The following PDE4D variants were observed in gnomAD, a reference collection of about 807,000 sequenced individuals.
PDE4D encodes the protein 3',5'-cyclic-AMP phosphodiesterase 4D.
PDE4D carries 24 observed loss-of-function variants against 87.4 expected under a neutral mutation model. The ratio of observed to expected loss-of-function variants is 0.27; its 90% CI spans 0.20 to 0.39. The LOEUF is 0.39. Ranked by LOEUF, PDE4D falls within the 10% of genes least tolerant of loss-of-function variation. The pLI, the probability that PDE4D is intolerant of heterozygous loss-of-function variation, is 1.00. For missense variants in PDE4D, 714 were observed against 1,041.0 expected (o/e 0.69, Z 4.32); for synonymous variants, 384 against 383.2 (o/e 1.00, Z -0.02).
chr5:59,101,381 G>A (rs1469505893), intron 5 of PDE4D, among the ~76,000 whole-genome samples: 1 of 152,034 alleles, frequency 6.6e-6, no homozygotes, highest in Non-Finnish European at 1.5e-5. Flanking sequence ...AAGAGGAGGG[G>A]TAGCTTTTAA....
chr5:60,193,831 C>T (rs532192753), intron 1 of PDE4D, among the ~76,000 whole-genome samples: 1 of 151,608 alleles, frequency 6.6e-6, no homozygotes, highest in East Asian at 1.9e-4. Context: ...ATTTGAGCCT[C>T]TTAATGTCTC....
chr5:59,201,084 A>G (rs971698555), intron 2 of PDE4D, among the ~76,000 whole-genome samples: 1 of 152,142 alleles, frequency 6.6e-6, no homozygotes, highest in African/African-American at 2.4e-5. Flanking sequence ...ATTAAAATGT[A>G]AGCATTGATT....
In PDE4D at chr5:59,308,085, A is replaced by G. The variant is rs1771778290; in HGVS notation, c.456-92117T>C. Among the ~76,000 whole-genome samples the G allele has an allele frequency of 3.3e-5, 5 of 152,032 alleles. No individual in the cohort carries two copies. The South Asian group carries it at 1.0e-3, about 32-fold the overall frequency. On this transcript the variant is annotated intron_variant, in intron 1 of 14. Transcript: ENST00000340635. ...AGGGACATGGATGAAATTGGAAATC[A>G]TCATTCTCAGTAAACTATCGCAAGA... is the stretch of plus-strand genomic sequence containing the variant.
At chr5:59,140,483 C>T (rs2153455140) in intron 5 of PDE4D, among the ~76,000 whole-genome samples, 1 of 152,204 alleles carries the variant, frequency 6.6e-6, no homozygotes, top group East Asian at 1.9e-4. Context: ...ATTATAATGC[C>T]TCTTTGGGTT....
At chr5:60,084,009 C>T (rs1039704985) in intron 2 of PDE4D, among the ~76,000 whole-genome samples, 20 of 152,100 alleles carry the variant, frequency 1.3e-4, no homozygotes, top group Admixed American at 6.6e-5. Flanking sequence ...CGAACTGAGG[C>T]GTCTCTGGCT....
At chr5:60,095,040 TTTAC>T (rs1287895712) in intron 2 of PDE4D, among the ~76,000 whole-genome samples, 12 of 152,154 alleles carry the variant, frequency 7.9e-5, no homozygotes, top group African/African-American at 2.9e-4. Context: ...CATATTTCTT[TTTAC>T]TTATTTATTT....
chr5:59,621,518 A>G (rs1830354965), intron 1 of PDE4D, among the ~76,000 whole-genome samples: 2 of 152,224 alleles, frequency 1.3e-5, no homozygotes, highest in South Asian at 2.1e-4. Context: ...TTCAGCTTAC[A>G]AAAGTATCAA....
intron 1 of PDE4D, among the ~76,000 whole-genome samples, chr5:60,274,523 G>C (rs934259456): frequency 1.3e-5 from 2 of 152,118 alleles, no homozygotes; most frequent in Non-Finnish European, 2.9e-5. Context: ...ACCACGCCCA[G>C]CTAATTTTTG....
chr5:59,697,336 C>T (rs985867831), intron 1 of PDE4D, among the ~76,000 whole-genome samples: 1 of 152,092 alleles, frequency 6.6e-6, no homozygotes, highest in East Asian at 1.9e-4. Context: ...GTGTTAAATG[C>T]TATAAAAGAG....
chr5:59,487,063 C>T (rs1386285080), intron 1 of PDE4D, among the ~76,000 whole-genome samples: 1 of 152,162 alleles, frequency 6.6e-6, no homozygotes, highest in Non-Finnish European at 1.5e-5. Context: ...ATATGTCCAT[C>T]ATTTAAATAT....
intron 1 of PDE4D, among the ~76,000 whole-genome samples, chr5:59,216,388 A>G (rs153966): frequency 0.11 from 17,160 of 151,940 alleles, 1,180 homozygotes; most frequent in Non-Finnish European, 0.14. Context: ...CCACACTCCT[A>G]CCCTATAACA....
At chr5:59,574,686 C>A (rs1396693821) in intron 1 of PDE4D, among the ~76,000 whole-genome samples, 1 of 152,246 alleles carries the variant, frequency 6.6e-6, no homozygotes, top group African/African-American at 2.4e-5. Context: ...ACTCTTCAAC[C>A]TCCAGATTTT....
chr5:60,193,459 A>G (rs754993003), intron 1 of PDE4D, among the ~76,000 whole-genome samples: 2 of 152,078 alleles, frequency 1.3e-5, no homozygotes, highest in Admixed American at 1.3e-4. Context: ...TCACGAGGTC[A>G]GGAGATCGAG....
At chr5:59,970,021 T>C (rs1760525831) in intron 3 of PDE4D, among the ~76,000 whole-genome samples, 1 of 152,184 alleles carries the variant, frequency 6.6e-6, no homozygotes, top group South Asian at 2.1e-4. Context: ...AGGACACCTG[T>C]AACAAAAGTT....
chr5:59,613,006 G>T (rs1312338672), intron 1 of PDE4D, among the ~76,000 whole-genome samples: 1 of 152,160 alleles, frequency 6.6e-6, no homozygotes, highest in Non-Finnish European at 1.5e-5. Flanking sequence ...GAGCAAAGAA[G>T]TGACCTAATG....
chr5:60,222,935 T>C (rs1466120587), intron 1 of PDE4D, among the ~76,000 whole-genome samples: 2 of 152,174 alleles, frequency 1.3e-5, no homozygotes, highest in Non-Finnish European at 2.9e-5. Context: ...AGATATGAAT[T>C]GTAAATTGCA....
intron 1 of PDE4D, chr5:59,558,487 T>C (rs2153690602): frequency 6.6e-6 from 1 of 152,272 alleles, no homozygotes; most frequent in South Asian, 2.1e-4. Context: ...TTTCTATATA[T>C]AAGACTATTC....
In PDE4D at chr5:58,971,782, T is replaced by TA. The variant is rs1742646200; in HGVS notation, c.*2881dup. On this transcript the variant is annotated 3_prime_UTR_variant, in exon 15 of 15. Coordinates refer to ENST00000340635, the MANE Select transcript of PDE4D (RefSeq NM_001104631.2). ...ACAGTACCCAGATATTGCATTTTCT[T>TA]ATGGCATTTTAGGAAATGTAAAGCC... 3 of 152,658 alleles carry TA rather than the reference T, an allele frequency of 2.0e-5. No individual in the cohort carries two copies. The South Asian group carries it at 6.2e-4, about 32-fold the overall frequency. 9.5% of individuals were successfully genotyped at this position (152,658 alleles called of 1,614,324 possible).
At chr5:59,500,794 T>A (rs1173510103) in intron 1 of PDE4D, among the ~76,000 whole-genome samples, 1 of 152,160 alleles carries the variant, frequency 6.6e-6, no homozygotes, top group Non-Finnish European at 1.5e-5. Context: ...GAGATCCCTC[T>A]ACTACCCTCA....
Sources: gnomAD v4.1 joint callset for allele counts (sites outside exome capture counted in the v4.1 genomes callset) on GRCh38, gnomAD v4.1.1 for gene constraint, MANE v1.5 for transcripts, NCBI Gene and HGNC (gene_info 2026-07-23, HGNC 2026-07-21) for gene names.